Variants in LINGO2 observed in about 807,000 individuals in gnomAD.
The protein encoded by LINGO2 is leucine rich repeat and Ig domain containing 2.
LINGO2 carries 14 observed loss-of-function variants against 30.6 expected under a neutral mutation model. That is an observed-to-expected ratio of 0.46 (90% confidence interval 0.30 to 0.72). The LOEUF (loss-of-function observed/expected upper bound fraction) is 0.72. LINGO2 is among the 30% of genes least tolerant of loss of function. LINGO2 has a pLI of 0.07. For synonymous variants in LINGO2, 317 were observed against 288.5 expected (o/e 1.10, Z -1.00); for missense variants, 729 against 751.7 (o/e 0.97, Z 0.35).
At chr9:29,080,791 G>T in the LINGO2 span, among the ~76,000 whole-genome samples, 1 of 152,022 alleles carries the variant, frequency 6.6e-6, no homozygotes, top group Admixed American at 6.6e-5. Context: ...TAGTTTGATC[G>T]CACTGTGGTC....
chr9:28,071,397 T>C (rs1825472311), intron 4 of LINGO2, among the ~76,000 whole-genome samples: 1 of 152,058 alleles, frequency 6.6e-6, no homozygotes, highest in East Asian at 1.9e-4. Context: ...ATCTTTATAG[T>C]TTTCTACTGT....
At chr9:28,268,196 A>C (rs1822820208) in intron 4 of LINGO2, among the ~76,000 whole-genome samples, 1 of 152,062 alleles carries the variant, frequency 6.6e-6, no homozygotes, top group Middle Eastern at 3.2e-3. Flanking sequence ...GATTTTCTGT[A>C]GCCATTCCTC....
chr9:28,764,901 A>G, the LINGO2 span, among the ~76,000 whole-genome samples: 1 of 152,004 alleles, frequency 6.6e-6, no homozygotes, highest in Non-Finnish European at 1.5e-5. Context: ...TGCATTTATG[A>G]TAGCATCAAA....
chr9:28,841,924 C>A, the LINGO2 span, among the ~76,000 whole-genome samples: 9 of 151,738 alleles, frequency 5.9e-5, no homozygotes, highest in Admixed American at 5.9e-4. Context: ...TTTAGATAAT[C>A]TGTTGTATAA....
chr9:29,176,243 T>C, the LINGO2 span, among the ~76,000 whole-genome samples: 1 of 152,224 alleles, frequency 6.6e-6, no homozygotes, highest in Non-Finnish European at 1.5e-5. Context: ...GCCTCCACAG[T>C]GTTTTCTGTT....
intron 5 of LINGO2, among the ~76,000 whole-genome samples, chr9:27,999,755 G>C (rs575673117): frequency 6.6e-4 from 101 of 152,212 alleles, no homozygotes; most frequent in African/African-American, 2.3e-3. Context: ...GATTAGGAGA[G>C]AGGTAGATGC....
the LINGO2 span, among the ~76,000 whole-genome samples, chr9:28,941,761 T>C: frequency 1.3e-5 from 2 of 152,166 alleles, no homozygotes; most frequent in Non-Finnish European, 2.9e-5. Flanking sequence ...ACTATATATT[T>C]TATTTATGCT....
At chr9:28,576,098 C>G (rs1317818194) in intron 1 of LINGO2, among the ~76,000 whole-genome samples, 1 of 152,152 alleles carries the variant, frequency 6.6e-6, no homozygotes, top group Non-Finnish European at 1.5e-5. Flanking sequence ...AACATCAAAG[C>G]TTAGCTTAGC....
chr9:28,810,679 G>T, the LINGO2 span, among the ~76,000 whole-genome samples: 251 of 152,188 alleles, frequency 1.6e-3, 1 homozygote, highest in Non-Finnish European at 2.7e-3. Flanking sequence ...AAAAAGAGAA[G>T]CCCAGAAGTC....
chr9:28,110,346 T>C lies in LINGO2; in HGVS notation c.-86-97941A>G, dbSNP rs376874934. ...AACATAGGCATGGGCAAAGATTTCA[T>C]GACTAAAACACCAAAAGCATTTGCA... On this transcript the variant is annotated intron_variant, in intron 4 of 5. Coordinates refer to ENST00000379992, the Ensembl canonical transcript of LINGO2. Among the ~76,000 whole-genome samples the C allele has an allele frequency of 3.9e-4, 60 of 152,318 alleles. No individual in the cohort carries two copies. In the East Asian group the frequency reaches 9.8e-3, roughly 25 times the overall value.
the LINGO2 span, among the ~76,000 whole-genome samples, chr9:28,843,643 T>C: frequency 6.6e-6 from 1 of 151,798 alleles, no homozygotes; most frequent in African/African-American, 2.4e-5. Context: ...AGATCAATTT[T>C]TGCTCAGGAA....
the LINGO2 span, among the ~76,000 whole-genome samples, chr9:28,847,735 T>C: frequency 8.8e-6 from 1 of 114,246 alleles, no homozygotes; most frequent in Admixed American, 9.8e-5. Flanking sequence ...AGTGTCTGTG[T>C]ATATATATAT....
chr9:28,506,966 G>A (rs1201581942), intron 1 of LINGO2, among the ~76,000 whole-genome samples: 1 of 151,972 alleles, frequency 6.6e-6, no homozygotes, highest in African/African-American at 2.4e-5. Flanking sequence ...GAATTACAAA[G>A]GGAAAGAACA....
At chr9:28,020,649 T>C (rs1009098632) in intron 4 of LINGO2, among the ~76,000 whole-genome samples, 29 of 152,208 alleles carry the variant, frequency 1.9e-4, no homozygotes, top group African/African-American at 6.8e-4. Context: ...TTTGGTAGTA[T>C]TCACCAGTGG....
chr9:27,979,326 G>A (rs1372188748), intron 5 of LINGO2, among the ~76,000 whole-genome samples: 1 of 151,784 alleles, frequency 6.6e-6, no homozygotes, highest in African/African-American at 2.4e-5. Context: ...CTTTTATTTT[G>A]TTTGGTTTTC....
At chr9:29,120,506 C>G in the LINGO2 span, among the ~76,000 whole-genome samples, 2 of 151,886 alleles carry the variant, frequency 1.3e-5, no homozygotes, top group African/African-American at 4.8e-5. Context: ...TAAATAAAAC[C>G]TACAAAGGAT....
chr9:27,948,625 C>A, exon 6 of LINGO2: 1 of 472,602 alleles, frequency 2.1e-6, no homozygotes, highest in South Asian at 4.8e-5. Flanking sequence ...CCAATATTTG[C>A]AACGCAAACA....
At position 28,604,974 on chromosome 9, in the gene LINGO2, T is replaced by C. The variant is rs150228669; in HGVS notation, c.-365+65226A>G. Among the ~76,000 whole-genome samples, 634 of 152,084 alleles carry C rather than the reference T, an allele frequency of 4.2e-3. 1 individual carries two copies. The highest frequency in any genetic ancestry group is 0.014 in the African/African-American group (585 of 41,528). On this transcript the variant is annotated intron_variant, in intron 1 of 5. Transcript: ENST00000379992. The stretch of plus-strand genomic sequence containing the variant: ...TTTTATATACCAGAGAATTGATACA[T>C]GGATATGCTAAATAAGGAGTGGAAT...
At chr9:28,474,355 C>T (rs978534831) in intron 2 of LINGO2, among the ~76,000 whole-genome samples, 1 of 151,756 alleles carries the variant, frequency 6.6e-6, no homozygotes, top group Admixed American at 6.6e-5. Flanking sequence ...GTCTAGTCTC[C>T]TAAATACAGC....
Sources: gnomAD v4.1 joint callset for allele counts (sites outside exome capture counted in the v4.1 genomes callset) on GRCh38, gnomAD v4.1.1 for gene constraint, MANE v1.5 for transcripts, NCBI Gene and HGNC (gene_info 2026-07-23, HGNC 2026-07-21) for gene names.